MDGA2: variants seen among roughly 807,000 people sequenced by gnomAD.
The protein encoded by MDGA2 is MAM domain-containing glycosylphosphatidylinositol anchor protein 2.
A neutral mutation model predicts 117.8 loss-of-function variants in MDGA2; 40 were observed. That is an observed-to-expected ratio of 0.34 (90% CI 0.26 to 0.44). The LOEUF (loss-of-function observed/expected upper bound fraction) is 0.44, where lower values mean the gene tolerates loss of function less well. Ranked by LOEUF, MDGA2 falls within the 20% of genes least tolerant of loss-of-function variation. MDGA2 has a pLI of 1.00. For synonymous variants in MDGA2, 452 were observed against 439.0 expected (o/e 1.03, Z -0.37); for missense variants, 1,123 against 1,250.6 (o/e 0.90, Z 1.54).
At chr14:46,854,842 A>T (rs1881202747) in intron 15 of MDGA2, among the ~76,000 whole-genome samples, 182 bp downstream of exon 15, 1 of 152,044 alleles carries the variant, frequency 6.6e-6, no homozygotes, top group Non-Finnish European at 1.5e-5. Context: ...TAATGAATAA[A>T]GGAAAAGCGC....
chr14:47,105,910 T>C (rs1880639131), intron 5 of MDGA2, among the ~76,000 whole-genome samples: 1 of 151,788 alleles, frequency 6.6e-6, no homozygotes, highest in Admixed American at 6.6e-5. Context: ...TCCTCCACCC[T>C]ATAATCTTTT....
intron 1 of MDGA2, among the ~76,000 whole-genome samples, chr14:47,453,347 G>C (rs1430343879): frequency 6.6e-6 from 1 of 152,010 alleles, no homozygotes; most frequent in Non-Finnish European, 1.5e-5. Flanking sequence ...GAGTTTCAAA[G>C]CATATTAAAG....
chr14:47,261,763 C>A lies in MDGA2; in HGVS notation c.420+39648G>T, dbSNP rs114009141. On this transcript the variant is annotated intron_variant, in intron 2 of 16. Transcript: ENST00000399232. ...CCAGATGAAAGAAGCTAACCTCTTT[C>A]CTTAAATGAGGGCCTCCTTGTCTTA... Among the ~76,000 whole-genome samples the A allele has an allele frequency of 4.4e-3, 665 of 152,248 alleles. 3 individuals carry two copies. Among genetic ancestry groups the A allele is most frequent in the African/African-American group, 0.015 (636 of 41,558 alleles).
chr14:47,116,142 T>C (rs1035655342), intron 5 of MDGA2, among the ~76,000 whole-genome samples: 3 of 151,850 alleles, frequency 2.0e-5, no homozygotes, highest in Non-Finnish European at 2.9e-5. Flanking sequence ...AAAAGAAAAT[T>C]TGAAAAACAA....
At chr14:47,561,158 G>GGTTTTTTTTTT (rs1566515949) in intron 1 of MDGA2, among the ~76,000 whole-genome samples, 5 of 55,094 alleles carry the variant, frequency 9.1e-5, no homozygotes, top group Non-Finnish European at 1.3e-4. Context: ...TTTTTGTTTT[G>GGTTTTTTTTTT]TTTTGTTTTT....
intron 6 of MDGA2, among the ~76,000 whole-genome samples, chr14:47,079,137 A>G (rs192441869): frequency 1.7e-4 from 26 of 152,274 alleles, no homozygotes; most frequent in African/African-American, 5.8e-4. Flanking sequence ...ACTTGACATA[A>G]AAATTCCTTA....
rs572752777 is a variant in MDGA2, at chr14:46,989,154, G to T, written c.1820-31511C>A. On this transcript the variant is annotated intron_variant, in intron 8 of 16. Coordinates refer to ENST00000399232, the MANE Select transcript of MDGA2 (RefSeq NM_001113498.3). ...TTTGTATCTGTCCACACAACTCTGA[G>T]TTCTAATACCATTTCAAACTTCCAC... 4.6e-5 allele frequency among the ~76,000 whole-genome samples: 7 copies of T among 152,076 alleles called. No individual in the cohort carries two copies. In the East Asian group the frequency reaches 7.7e-4, roughly 17 times the overall value.
chr14:47,390,970 C>T (rs989828468), intron 1 of MDGA2, among the ~76,000 whole-genome samples: 6 of 152,014 alleles, frequency 3.9e-5, no homozygotes, highest in Admixed American at 1.3e-4. Flanking sequence ...TGGCTGTTTC[C>T]ACTCCTACCA....
intron 3 of MDGA2, among the ~76,000 whole-genome samples, chr14:47,183,138 C>T (rs901372533): frequency 2.0e-5 from 3 of 152,084 alleles, no homozygotes; most frequent in African/African-American, 7.2e-5. Context: ...GGGCTCATCC[C>T]TGTTTTTCCA....
At chr14:47,293,495 C>A (rs150253527) in intron 2 of MDGA2, among the ~76,000 whole-genome samples, 2 of 152,220 alleles carry the variant, frequency 1.3e-5, no homozygotes, top group East Asian at 3.9e-4. Flanking sequence ...ATGGGACAGG[C>A]AAGAATACTC....
intron 3 of MDGA2, among the ~76,000 whole-genome samples, chr14:47,202,734 A>C (rs902427723): frequency 5.3e-5 from 8 of 152,198 alleles, no homozygotes; most frequent in African/African-American, 1.9e-4. Flanking sequence ...CTGAATTATA[A>C]AAATTTATAC....
chr14:47,573,480 C>A (rs985086051), intron 1 of MDGA2, among the ~76,000 whole-genome samples: 3 of 152,082 alleles, frequency 2.0e-5, no homozygotes, highest in Non-Finnish European at 2.9e-5. Flanking sequence ...TTTCACAAAC[C>A]CAGTGTTCAT....
At chr14:47,039,182 A>G (rs1045392417) in intron 7 of MDGA2, among the ~76,000 whole-genome samples, 1 of 152,200 alleles carries the variant, frequency 6.6e-6, no homozygotes, top group Non-Finnish European at 1.5e-5. Context: ...ACGTGTTGAT[A>G]ATAACAAATT....
Position 47,370,820 on chromosome 14 carries a change from T to C in MDGA2, c.281-69270A>G, listed in dbSNP as rs1465128247. Among the ~76,000 whole-genome samples, 4 of 151,700 alleles carry C rather than the reference T, an allele frequency of 2.6e-5. No individual in the cohort carries two copies. The East Asian group carries it at 7.7e-4, about 29-fold the overall frequency. On this transcript the variant is annotated intron_variant, in intron 1 of 16. Coordinates refer to ENST00000399232, the MANE Select transcript of MDGA2 (RefSeq NM_001113498.3). ...TTCAAACTTCAAATAATACATCCTCTTCTGTATTCCCATTTTGTTTAGTTG... is the reference window on the plus strand; with the variant it reads ...TTCAAACTTCAAATAATACATCCTCCTCTGTATTCCCATTTTGTTTAGTTG...
At position 47,540,540 on chromosome 14, in the gene MDGA2, G is replaced by GTGTGTGTGTGTGTGTGTATATATA; in HGVS notation, c.280+133976_280+133977insTATATATACACACACACACACACA. On this transcript the variant is annotated intron_variant, in intron 1 of 16. Coordinates refer to ENST00000399232, the MANE Select transcript of MDGA2 (RefSeq NM_001113498.3). ...TGTATATGTGTGTGTGTGTGTGTGT[G>GTGTGTGTGTGTGTGTGTATATATA]TATATATATATATGTATATATATAC... Among the ~76,000 whole-genome samples the GTGTGTGTGTGTGTGTGTATATATA allele has an allele frequency of 2.3e-3, 181 of 79,152 alleles. 1 individual carries two copies. Among genetic ancestry groups the GTGTGTGTGTGTGTGTGTATATATA allele is most frequent in the Non-Finnish European group, 3.9e-3 (139 of 35,954 alleles). The allele number at this position is 79,152 out of a possible 152,430, so 51.9% of individuals were successfully genotyped here. A position where few individuals can be genotyped will look rare whatever the true frequency, so the allele number is the denominator to read the frequency against.
intron 8 of MDGA2, among the ~76,000 whole-genome samples, chr14:46,962,260 T>C (rs969290659): frequency 2.0e-5 from 3 of 152,138 alleles, no homozygotes. Flanking sequence ...TAACTATAAT[T>C]TCAAGAATGG....
intron 1 of MDGA2, among the ~76,000 whole-genome samples, chr14:47,468,495 G>A (rs1893649740): frequency 6.6e-6 from 1 of 152,046 alleles, no homozygotes; most frequent in Non-Finnish European, 1.5e-5. Flanking sequence ...TCAAAGAAAG[G>A]CTTATGTGAA....
intron 3 of MDGA2, among the ~76,000 whole-genome samples, chr14:47,172,341 C>T (rs1241001047): frequency 6.6e-6 from 1 of 151,128 alleles, no homozygotes; most frequent in African/African-American, 2.5e-5. Flanking sequence ...GGCAAACTGC[C>T]TCCTCAAGTG....
chr14:47,097,061 T>C lies in MDGA2; in HGVS notation c.988A>G (p.Thr330Ala), dbSNP rs1208275008. The C allele has an allele frequency of 1.2e-6, 2 of 1,613,164 alleles. No homozygotes were observed. The highest frequency in any genetic ancestry group is 1.3e-5 in the African/African-American group (1 of 74,874). Residue 330 changes from threonine (T) to alanine (A), a missense_variant, in exon 6 of 17, where the codon ACA (threonine) becomes GCA (alanine). Thr to Ala is a moderately conservative substitution (Grantham distance 58). Around this residue, in one of 2 missense-constraint regions of MDGA2, gnomAD observed 890 missense variants for 1,050.3 expected, o/e 0.85. Coordinates refer to ENST00000399232, the MANE Select transcript of MDGA2 (RefSeq NM_001113498.3). ...PIVVNPGEAI[T>A]LVCVTTGGEP... ...CCTCCTGTTGTAACACATACTAATG[T>C]TATGGCCTCTCCAGGATTTACAACT...
Sources: gnomAD v4.1 joint callset for allele counts (sites outside exome capture counted in the v4.1 genomes callset) on GRCh38, gnomAD v4.1.1 for gene constraint, gnomAD v4.1.1 regional missense constraint, MANE v1.5 for transcripts, NCBI Gene and HGNC (gene_info 2026-07-23, HGNC 2026-07-21) for gene names.